Variants in CNIH3 observed in about 807,000 individuals in gnomAD.
The protein encoded by CNIH3 is protein cornichon homolog 3.
A neutral mutation model predicts 24.1 loss-of-function variants in CNIH3; 14 were observed. That is an observed-to-expected ratio of 0.58 (90% CI 0.38 to 0.91). The LOEUF (loss-of-function observed/expected upper bound fraction) is 0.91, where lower values mean the gene tolerates loss of function less well. CNIH3 is among the 40% of genes least tolerant of loss of function. CNIH3 has a pLI of 0.00. For missense variants in CNIH3, 178 were observed against 196.8 expected (o/e 0.90, Z 0.57); for synonymous variants, 68 against 73.8 (o/e 0.92, Z 0.40).
At chr1:224,502,868 A>C (rs920900161) in intron 1 of CNIH3, among the ~76,000 whole-genome samples, 4 of 152,206 alleles carry the variant, frequency 2.6e-5, no homozygotes, top group Non-Finnish European at 5.9e-5. Context: ...GCCCAGAGAC[A>C]TAAAAGGTGG....
At chr1:224,484,110 G>T (rs1009230867) in intron 1 of CNIH3, among the ~76,000 whole-genome samples, 2 of 151,384 alleles carry the variant, frequency 1.3e-5, no homozygotes, top group Admixed American at 1.3e-4. Context: ...AGTGGAGGTT[G>T]CAGTGAGCGG....
At position 224,730,728 on chromosome 1, in the gene CNIH3, C is replaced by T. The variant is rs1026515594; in HGVS notation, c.311+154C>T. The T allele has an allele frequency of 8.8e-6, 5 of 569,346 alleles. No individual in the cohort carries two copies. In the Admixed American group the frequency reaches 1.5e-4, roughly 17 times the overall value. 35.3% of individuals were successfully genotyped at this position (569,346 alleles called of 1,614,324 possible). A position where few individuals can be genotyped will look rare whatever the true frequency, so the allele number is the denominator to read the frequency against. On this transcript the variant is annotated intron_variant, in intron 4 of 5. Coordinates refer to ENST00000272133, the MANE Select transcript of CNIH3 (RefSeq NM_152495.2). ...CTTTAAAGCCTGTTCCCAAACTGCT[C>T]TTAGGCAACAAGTCCAATAAGGAAA... is the stretch of plus-strand genomic sequence containing the variant.
intron 3 of CNIH3, among the ~76,000 whole-genome samples, chr1:224,600,955 A>G (rs561812977): frequency 6.6e-6 from 1 of 152,344 alleles, no homozygotes; most frequent in Admixed American, 6.5e-5. Flanking sequence ...CAGGCAGCGA[A>G]TCCAAACAGG....
At chr1:224,613,941 T>A (rs1481183675), upstream of CNIH3, among the ~76,000 whole-genome samples, 2 of 151,880 alleles carry the variant, frequency 1.3e-5, no homozygotes, top group East Asian at 3.9e-4. Context: ...TGCAGTGGTA[T>A]GAACACAGCT....
rs1294465068 is a variant in CNIH3, at chr1:224,616,538, C to T, written c.-637C>T. 1 of 986,756 alleles carries T rather than the reference C, an allele frequency of 1.0e-6. No homozygotes were observed. Among genetic ancestry groups the T allele is most frequent in the African/African-American group, 1.7e-5 (1 of 57,258 alleles). The allele number at this position is 986,756 out of a possible 1,614,324, so 61.1% of individuals were successfully genotyped here. ...TTGGGGACGGGCGCGCCTCGGAGCG[C>T]ACGGCTGCGCTGGAAGCCGCGTCTG... On this transcript the variant is annotated 5_prime_UTR_variant, in exon 1 of 6. Transcript: ENST00000272133.
chr1:224,719,776 C>G (rs1688615460), intron 3 of CNIH3, among the ~76,000 whole-genome samples: 1 of 152,214 alleles, frequency 6.6e-6, no homozygotes, highest in Non-Finnish European at 1.5e-5. Context: ...CCTTAATCTA[C>G]TACTATTTTC....
intron 3 of CNIH3, among the ~76,000 whole-genome samples, chr1:224,563,658 G>A (rs750987743): frequency 5.3e-5 from 8 of 152,296 alleles, no homozygotes; most frequent in Middle Eastern, 3.4e-3. Context: ...AGTATCTCCC[G>A]TGGCTGCTGT....
chr1:224,580,482 G>T lies in CNIH3; in HGVS notation n.517-2682G>T, dbSNP rs1442401092. Among the ~76,000 whole-genome samples, 4 of 152,200 alleles carry T rather than the reference G, an allele frequency of 2.6e-5. No individual in the cohort carries two copies. In the East Asian group the frequency reaches 7.7e-4, roughly 29 times the overall value. ...GGGCTTCAATATTTAAAGCGGAAAAGTGGGCAAAAGGGGAAAGGGCAAAGC... is the reference window on the plus strand; with the variant it reads ...GGGCTTCAATATTTAAAGCGGAAAATTGGGCAAAAGGGGAAAGGGCAAAGC... On this transcript the variant is annotated intron_variant and non_coding_transcript_variant, in intron 4 of 5. Transcript: ENST00000471578.
intron 1 of CNIH3, among the ~76,000 whole-genome samples, chr1:224,621,883 G>T (rs1393349999): frequency 6.6e-6 from 1 of 152,196 alleles, no homozygotes; most frequent in Non-Finnish European, 1.5e-5. Context: ...GGATCTGGTG[G>T]GAGGTAATTG....
chr1:224,699,364 C>A (rs1018622013), intron 3 of CNIH3, among the ~76,000 whole-genome samples: 13 of 152,230 alleles, frequency 8.5e-5, no homozygotes, highest in African/African-American at 3.1e-4. Flanking sequence ...CACTGTACCC[C>A]CTTCTCCTGG....
chr1:224,499,368 C>CT lies in CNIH3; in HGVS notation n.204-16371dup, dbSNP rs1677563738. On this transcript the variant is annotated intron_variant and non_coding_transcript_variant, in intron 1 of 5. Transcript: ENST00000471578. ...CCATAGGTATCTCTGCTTTCTTACT[C>CT]TTCCCCACTCCAGGCCATGTGGACA... Among the ~76,000 whole-genome samples the CT allele has an allele frequency of 3.9e-5, 6 of 152,248 alleles. No individual in the cohort carries two copies. The South Asian group carries it at 1.2e-3, about 32-fold the overall frequency.
chr1:224,486,633 AT>A (rs1446459200), intron 1 of CNIH3, among the ~76,000 whole-genome samples: 1 of 152,234 alleles, frequency 6.6e-6, no homozygotes, highest in African/African-American at 2.4e-5. Context: ...TGCCAAGTGA[AT>A]AAAAGCAAAC....
intron 1 of CNIH3, among the ~76,000 whole-genome samples, chr1:224,662,596 C>T (rs1032500293): frequency 1.1e-4 from 17 of 152,078 alleles, no homozygotes; most frequent in African/African-American, 3.9e-4. Context: ...TTTAATCTTA[C>T]CAATAATTTT....
intron 1 of CNIH3, among the ~76,000 whole-genome samples, chr1:224,461,976 ACTT>A (rs1675930401): frequency 1.3e-5 from 2 of 152,126 alleles, no homozygotes; most frequent in African/African-American, 2.4e-5. Context: ...ATTTATCAGT[ACTT>A]CTTTCCTTTT....
chr1:224,637,175 G>C (rs892356158), intron 1 of CNIH3, among the ~76,000 whole-genome samples: 12 of 151,870 alleles, frequency 7.9e-5, no homozygotes, highest in African/African-American at 2.9e-4. Flanking sequence ...GGCTGGTCTC[G>C]AACTCCTGAC....
chr1:224,441,197 G>A (rs1373282778), intron 1 of CNIH3, among the ~76,000 whole-genome samples: 3 of 152,076 alleles, frequency 2.0e-5, no homozygotes, highest in Non-Finnish European at 4.4e-5. Context: ...TTTTATTAAT[G>A]TTATGCTTCT....
intron 2 of CNIH3, among the ~76,000 whole-genome samples, chr1:224,682,591 C>A (rs903118058): frequency 6.6e-6 from 1 of 152,224 alleles, no homozygotes; most frequent in African/African-American, 2.4e-5. Context: ...TTGTTTCCAT[C>A]TACCAGCCTC....
intron 3 of CNIH3, among the ~76,000 whole-genome samples, chr1:224,700,515 A>T (rs1687428354): frequency 6.6e-6 from 1 of 152,246 alleles, no homozygotes; most frequent in Non-Finnish European, 1.5e-5. Flanking sequence ...AATAGAGTGA[A>T]TAGTGAGTTT....
chr1:224,518,292 G>T (rs1236566112), intron 1 of CNIH3, among the ~76,000 whole-genome samples: 1 of 152,180 alleles, frequency 6.6e-6, no homozygotes, highest in Non-Finnish European at 1.5e-5. Flanking sequence ...ATGCCAGGCA[G>T]ACTTGGTGCC....
Sources: allele counts gnomAD v4.1 joint callset (sites outside exome capture counted in the v4.1 genomes callset), GRCh38; gene constraint gnomAD v4.1.1; transcripts MANE v1.5; gene names NCBI Gene and HGNC (gene_info 2026-07-23, HGNC 2026-07-21).